Variants in VAV3 observed in about 807,000 individuals in gnomAD.
The protein encoded by VAV3 is vav guanine nucleotide exchange factor 3.
VAV3 carries 94 observed loss-of-function variants against 131.2 expected under a neutral mutation model. That is an observed-to-expected ratio of 0.72 (90% confidence interval 0.61 to 0.85). VAV3 has a LOEUF of 0.85. VAV3 is among the 40% of genes least tolerant of loss of function. The pLI is 0.00. For missense variants in VAV3, 939 were observed against 1,002.7 expected, an observed-to-expected ratio of 0.94 and a Z score of 0.86; for synonymous variants, 349 against 342.0, an observed-to-expected ratio of 1.02 and a Z score of -0.22.
intron 25 of VAV3, among the ~76,000 whole-genome samples, chr1:107,581,805 T>C (rs1248623378): frequency 6.6e-6 from 1 of 152,234 alleles, no homozygotes; most frequent in East Asian, 1.9e-4. Flanking sequence ...GATGAAAATT[T>C]ACTCAGTTTT....
chr1:107,582,020 T>C (rs943317866), intron 25 of VAV3, among the ~76,000 whole-genome samples: 1 of 152,196 alleles, frequency 6.6e-6, no homozygotes, highest in Non-Finnish European at 1.5e-5. Context: ...AGCACATGTG[T>C]TCTCACTCAG....
intron 2 of VAV3, among the ~76,000 whole-genome samples, chr1:107,818,582 C>A (rs1318726523): frequency 6.6e-6 from 1 of 151,998 alleles, no homozygotes; most frequent in Non-Finnish European, 1.5e-5. Context: ...GGTATACATA[C>A]CCCCAGGGAT....
chr1:107,656,954 T>C (rs1479474370), intron 19 of VAV3, among the ~76,000 whole-genome samples: 2 of 143,232 alleles, frequency 1.4e-5, no homozygotes, highest in East Asian at 2.1e-4. Flanking sequence ...TTTTTTTTTT[T>C]TTTTTTTTTT....
chr1:107,721,709 C>A (rs1234048816), intron 15 of VAV3, among the ~76,000 whole-genome samples: 3 of 151,590 alleles, frequency 2.0e-5, no homozygotes, highest in Non-Finnish European at 4.4e-5. Flanking sequence ...AAACCTGAAG[C>A]TTCTAAATCC....
chr1:107,659,532 A>G (rs1225563297), intron 19 of VAV3, among the ~76,000 whole-genome samples: 2 of 152,160 alleles, frequency 1.3e-5, no homozygotes, highest in East Asian at 3.8e-4. Flanking sequence ...TGACAAAGTG[A>G]TTGTTCTTTT....
chr1:107,905,303 C>T (rs994958926), intron 1 of VAV3, among the ~76,000 whole-genome samples: 5 of 152,168 alleles, frequency 3.3e-5, no homozygotes, highest in African/African-American at 1.2e-4. Flanking sequence ...AAATCATGGC[C>T]ATCATCAAAT....
In VAV3 at chr1:107,710,428, T is replaced by G. The variant is rs145351393; in HGVS notation, c.1503-5367A>C. ...TCAAAAATACATCGATTTATAAAAA[T>G]GTATTCACACACATAGCTTTGTGTG... On this transcript the variant is annotated intron_variant, in intron 15 of 26. Transcript: ENST00000370056. Among the ~76,000 whole-genome samples, 5 of 152,316 alleles carry G rather than the reference T, an allele frequency of 3.3e-5. No individual in the cohort carries two copies. The East Asian group carries it at 9.6e-4, about 29-fold the overall frequency.
intron 22 of VAV3, among the ~76,000 whole-genome samples, chr1:107,603,872 C>G (rs1178645491): frequency 6.6e-6 from 1 of 151,744 alleles, no homozygotes; most frequent in East Asian, 1.9e-4. Context: ...TGGCACCATC[C>G]CAGCTGCCTG....
chr1:107,964,914 G>C lies in VAV3; in HGVS notation c.-45C>G. The stretch of plus-strand genomic sequence containing the variant: ...CGGCTGGGCCGGGGCGGGCGGCAAG[G>C]ATGCGGCCGCCGCCGCCGCCGCCGC... On this transcript the variant is annotated 5_prime_UTR_variant, in exon 1 of 27. It adds an upstream start codon to the 5' untranslated region. Coordinates refer to ENST00000370056, the MANE Select transcript of VAV3 (RefSeq NM_006113.5). The C allele has an allele frequency of 8.3e-7, 1 of 1,207,622 alleles. No individual in the cohort carries two copies. The highest frequency in any genetic ancestry group is 1.8e-5 in the African/African-American group (1 of 55,888). The allele number at this position is 1,207,622 out of a possible 1,614,324, so 74.8% of individuals were successfully genotyped here.
chr1:107,892,168 T>C (rs901480439), intron 1 of VAV3, among the ~76,000 whole-genome samples: 1 of 152,218 alleles, frequency 6.6e-6, no homozygotes, highest in African/African-American at 2.4e-5. Flanking sequence ...GAATTGTCAT[T>C]ATTTGGCAAT....
chr1:107,841,090 CAG>C (rs370423687), intron 2 of VAV3, among the ~76,000 whole-genome samples: 8 of 152,126 alleles, frequency 5.3e-5, no homozygotes, highest in Non-Finnish European at 7.4e-5. Flanking sequence ...GGAGACCACT[CAG>C]GGGAATGATG....
chr1:107,856,350 G>A (rs766879414), intron 2 of VAV3, among the ~76,000 whole-genome samples: 2 of 152,144 alleles, frequency 1.3e-5, no homozygotes, highest in Non-Finnish European at 2.9e-5. Flanking sequence ...GAGCTATTGA[G>A]TAGAGGATAT....
At chr1:107,603,714 T>TA (rs1490766315) in intron 22 of VAV3, among the ~76,000 whole-genome samples, 4 of 150,904 alleles carry the variant, frequency 2.7e-5, no homozygotes, top group African/African-American at 9.7e-5. Flanking sequence ...AAAGGTAGAT[T>TA]TTTTTTTTTG....
intron 1 of VAV3, among the ~76,000 whole-genome samples, chr1:107,922,962 AAG>A (rs1345245970): frequency 1.4e-4 from 11 of 79,376 alleles, no homozygotes; most frequent in Admixed American, 1.2e-3. Context: ...AAAAAAAAAA[AAG>A]AAAAAAAAAA....
chr1:107,871,096 C>T (rs345319), intron 2 of VAV3, among the ~76,000 whole-genome samples: 143,061 of 152,232 alleles, frequency 0.94, 67,803 homozygotes, highest in East Asian at 1. Context: ...AAATTCTTTA[C>T]ATACAGTACG....
At chr1:107,731,591 T>C (rs1027097534) in intron 15 of VAV3, among the ~76,000 whole-genome samples, 50 of 151,816 alleles carry the variant, frequency 3.3e-4, no homozygotes, top group Non-Finnish European at 6.8e-4. Context: ...AGGAAGAATC[T>C]TCTCCAGTTA....
intron 25 of VAV3, among the ~76,000 whole-genome samples, chr1:107,591,989 T>A (rs1371334387): frequency 2.6e-5 from 4 of 152,054 alleles, no homozygotes; most frequent in Non-Finnish European, 4.4e-5. Context: ...TATAGCAACA[T>A]ATATACACAC....
intron 2 of VAV3, among the ~76,000 whole-genome samples, chr1:107,793,778 C>T (rs1431769909): frequency 2.0e-5 from 3 of 151,992 alleles, no homozygotes; most frequent in African/African-American, 7.3e-5. Context: ...TGTTAAGAAC[C>T]CTAATCTAGT....
chr1:107,720,576 G>A (rs1453348281), intron 15 of VAV3, among the ~76,000 whole-genome samples: 1 of 152,036 alleles, frequency 6.6e-6, no homozygotes, highest in Non-Finnish European at 1.5e-5. Context: ...TACTCGAGAG[G>A]CTGAGGTAGG....
Sources: gnomAD v4.1 joint callset for allele counts (sites outside exome capture counted in the v4.1 genomes callset) on GRCh38, gnomAD v4.1.1 for gene constraint, MANE v1.5 for transcripts, NCBI Gene and HGNC (gene_info 2026-07-23, HGNC 2026-07-21) for gene names.